The following ZNRF3 variants were observed in gnomAD, a reference collection of about 807,000 sequenced individuals.
The protein encoded by ZNRF3 is E3 ubiquitin-protein ligase ZNRF3.
ZNRF3 carries 23 observed loss-of-function variants against 72.5 expected under a neutral mutation model. The observed-to-expected ratio is 0.32, with a 90% confidence interval of 0.23 to 0.45. The LOEUF is 0.45. Among genes scored for constraint, ZNRF3 ranks in the 20% least tolerant of loss-of-function variants. ZNRF3 has a pLI of 1.00. For synonymous variants in ZNRF3, 610 were observed against 545.3 expected, an observed-to-expected ratio of 1.12 and a Z score of -1.65; for missense variants, 1,169 against 1,272.1, an observed-to-expected ratio of 0.92 and a Z score of 1.23.
Position 29,030,072 on chromosome 22 carries a change from A to G in ZNRF3, c.427-12423A>G, listed in dbSNP as rs945784747. On this transcript the variant is annotated intron_variant, in intron 2 of 8. Coordinates refer to ENST00000544604, the MANE Select transcript of ZNRF3 (RefSeq NM_001206998.2). The surrounding 1 kb of genome is among the most constrained non-coding windows in gnomAD (Gnocchi z 4.2). ...CTTCCAGGCATAGGCAGGTAATGAA[A>G]CAACCCAACTGCGGTTTTTTCCATA... 6.6e-6 allele frequency among the ~76,000 whole-genome samples: 1 copy of G among 152,202 alleles called. No individual in the cohort carries two copies. Among genetic ancestry groups the G allele is most frequent in the African/African-American group, 2.4e-5 (1 of 41,452 alleles).
chr22:28,990,764 C>G (rs766329879), intron 2 of ZNRF3, among the ~76,000 whole-genome samples: 2 of 152,158 alleles, frequency 1.3e-5, no homozygotes, highest in Non-Finnish European at 2.9e-5. Context: ...TCCCGGGCAT[C>G]TTAACCCTCC....
intron 2 of ZNRF3, chr22:29,025,783 A>T (rs1356093793): frequency 6.6e-6 from 1 of 152,144 alleles, no homozygotes; most frequent in Non-Finnish European, 1.5e-5. Flanking sequence ...CAGCCTCCCA[A>T]AGTGCTGGGA....
At chr22:28,962,619 A>T (rs1437451167) in intron 1 of ZNRF3, among the ~76,000 whole-genome samples, 1 of 152,184 alleles carries the variant, frequency 6.6e-6, no homozygotes, top group Non-Finnish European at 1.5e-5. Context: ...ATGTGTCATT[A>T]GTCATTTACA....
At position 28,949,127 on chromosome 22, in the gene ZNRF3, G is replaced by A. The variant is rs750655022; in HGVS notation, c.301-37949G>A. ...CATGAGTAGCTGGAATTACAGGCAC[G>A]CGCCACCACGCCCAGCTAATTTTGT... On this transcript the variant is annotated intron_variant, in intron 1 of 8. Coordinates refer to ENST00000544604, the MANE Select transcript of ZNRF3 (RefSeq NM_001206998.2). Among the ~76,000 whole-genome samples, 52 of 151,946 alleles carry A rather than the reference G, an allele frequency of 3.4e-4. No individual in the cohort carries two copies. The Middle Eastern group carries it at 0.02, about 60-fold the overall frequency.
intron 1 of ZNRF3, among the ~76,000 whole-genome samples, chr22:28,935,672 C>T (rs1198377129): frequency 6.6e-6 from 1 of 152,222 alleles, no homozygotes. Context: ...CTCCCATCTC[C>T]TCTTAGATTT....
chr22:28,984,966 G>A (rs1217734440), intron 1 of ZNRF3, among the ~76,000 whole-genome samples: 1 of 152,106 alleles, frequency 6.6e-6, no homozygotes, highest in African/African-American at 2.4e-5. Flanking sequence ...ATTCCCAAGG[G>A]GTGGGATATC....
chr22:28,893,246 T>C (rs1214614759), intron 1 of ZNRF3, among the ~76,000 whole-genome samples: 4 of 152,204 alleles, frequency 2.6e-5, no homozygotes, highest in Non-Finnish European at 5.9e-5. Context: ...CATCCAGCAC[T>C]GTAAGAATTT....
chr22:28,895,622 G>A (rs1001992039), intron 1 of ZNRF3, among the ~76,000 whole-genome samples: 1 of 152,126 alleles, frequency 6.6e-6, no homozygotes, highest in Non-Finnish European at 1.5e-5. Context: ...AGCCGAGATT[G>A]CGCCACTGCA....
intron 1 of ZNRF3, among the ~76,000 whole-genome samples, chr22:28,900,698 C>T (rs549341446): frequency 1.3e-5 from 2 of 152,272 alleles, no homozygotes; most frequent in South Asian, 4.1e-4. Flanking sequence ...TGAAAAGAAA[C>T]TTACTGTTTC....
chr22:28,952,603 G>A (rs1316826238), intron 1 of ZNRF3, among the ~76,000 whole-genome samples: 3 of 151,176 alleles, frequency 2.0e-5, no homozygotes, highest in African/African-American at 4.9e-5. Context: ...GTATTGCATC[G>A]TTATTTTCTA....
At chr22:28,944,486 G>C (rs2035009861) in intron 1 of ZNRF3, among the ~76,000 whole-genome samples, 1 of 152,136 alleles carries the variant, frequency 6.6e-6, no homozygotes, top group South Asian at 2.1e-4. Context: ...CGGGTGCGGT[G>C]GCTCACGCCT....
rs2037251287 is a variant in ZNRF3 at position 29,053,719 on chromosome 22, A to G, written c.*97A>G. 8 of 1,281,734 alleles carry G rather than the reference A, an allele frequency of 6.2e-6. No individual in the cohort carries two copies. The highest frequency in any genetic ancestry group is 7.6e-6 in the Non-Finnish European group (7 of 921,552). The allele number at this position is 1,281,734 out of a possible 1,614,324, so 79.4% of individuals were successfully genotyped here. ...AAAACAAAAAATTTTTTTAGCTTTG[A>G]CAAACACACAAAAGTGGTAATAAAG... On this transcript the variant is annotated 3_prime_UTR_variant, in exon 9 of 9. Coordinates refer to ENST00000544604, the MANE Select transcript of ZNRF3 (RefSeq NM_001206998.2).
At chr22:28,962,901 C>T (rs1569262716) in intron 1 of ZNRF3, among the ~76,000 whole-genome samples, 1 of 152,144 alleles carries the variant, frequency 6.6e-6, no homozygotes, top group Non-Finnish European at 1.5e-5. Flanking sequence ...TTGAAGGAAG[C>T]CGTTTTATGC....
At chr22:28,975,968 A>G (rs1691703641) in intron 1 of ZNRF3, among the ~76,000 whole-genome samples, 2 of 152,254 alleles carry the variant, frequency 1.3e-5, no homozygotes, top group East Asian at 3.9e-4. Flanking sequence ...ATGGATGATG[A>G]TTCTGTTTTC....
chr22:28,903,447 C>T (rs192491817), intron 1 of ZNRF3, among the ~76,000 whole-genome samples: 18 of 152,290 alleles, frequency 1.2e-4, no homozygotes, highest in African/African-American at 1.4e-4. Flanking sequence ...GTGACTTCAG[C>T]GCTTGGTTTG....
chr22:28,973,013 C>A lies in ZNRF3; in HGVS notation c.301-14063C>A, dbSNP rs146684443. Among the ~76,000 whole-genome samples the A allele has an allele frequency of 2.6e-5, 4 of 152,246 alleles. No individual in the cohort carries two copies. The East Asian group carries it at 7.7e-4, about 29-fold the overall frequency. On this transcript the variant is annotated intron_variant, in intron 1 of 8. Coordinates refer to ENST00000544604, the MANE Select transcript of ZNRF3 (RefSeq NM_001206998.2). The stretch of plus-strand genomic sequence containing the variant: ...CATTTATTTATTCTTAGAGACAGGG[C>A]CTTGCTGTCTCCAGGCTGGAGCGCA...
chr22:28,971,967 C>G (rs1456544846), intron 1 of ZNRF3, among the ~76,000 whole-genome samples: 1 of 152,166 alleles, frequency 6.6e-6, no homozygotes, highest in Non-Finnish European at 1.5e-5. Flanking sequence ...TTCGGCCTCC[C>G]AAAGTGCTGG....
In ZNRF3 at chr22:28,958,536, A is replaced by G. The variant is rs149710436; in HGVS notation, c.301-28540A>G. On this transcript the variant is annotated intron_variant, in intron 1 of 8. Coordinates refer to ENST00000544604, the MANE Select transcript of ZNRF3 (RefSeq NM_001206998.2). Reference sequence around the variant, plus strand: ...ACCTCCTGAGCCCAGGTTCCTTATCATCCCATGGGGCAGTAATCACTCTCC... The same window carrying G: ...ACCTCCTGAGCCCAGGTTCCTTATCGTCCCATGGGGCAGTAATCACTCTCC... 3.1e-3 allele frequency among the ~76,000 whole-genome samples: 479 copies of G among 152,176 alleles called. 8 individuals are homozygous for G. The highest frequency in any genetic ancestry group is 0.01 in the East Asian group (52 of 5,166).
intron 1 of ZNRF3, among the ~76,000 whole-genome samples, chr22:28,959,637 G>A (rs1483338293): frequency 2.6e-5 from 4 of 152,168 alleles, no homozygotes; most frequent in Non-Finnish European, 5.9e-5. Flanking sequence ...ATGATGGACC[G>A]AATATTCATT....
Sources: allele counts gnomAD v4.1 joint callset (sites outside exome capture counted in the v4.1 genomes callset), GRCh38; gene constraint gnomAD v4.1.1; non-coding constraint Gnocchi (gnomAD v3.1); transcripts MANE v1.5; gene names NCBI Gene and HGNC (gene_info 2026-07-23, HGNC 2026-07-21).